Variants in MYO1H observed in about 807,000 individuals in gnomAD.
MYO1H encodes unconventional myosin-Ih.
MYO1H carries 118 observed loss-of-function variants against 149.3 expected under a neutral mutation model. The ratio of observed to expected loss-of-function variants is 0.79; its 90% confidence interval spans 0.68 to 0.92. MYO1H has a LOEUF of 0.92. Among genes scored for constraint, MYO1H ranks in the 40% least tolerant of loss-of-function variants. The pLI is 0.00. For missense variants in MYO1H, 1,212 were observed against 1,280.7 expected (o/e 0.95, Z 0.82); for synonymous variants, 447 against 465.2 (o/e 0.96, Z 0.50).
chr12:109,402,619 T>C (rs1416319504), intron 6 of MYO1H, among the ~76,000 whole-genome samples: 1 of 152,098 alleles, frequency 6.6e-6, no homozygotes, highest in Non-Finnish European at 1.5e-5. Context: ...ATTTTAAAAA[T>C]AGAAATAAGA....
At chr12:109,319,307 A>G in the MYO1H span, among the ~76,000 whole-genome samples, 1 of 152,180 alleles carries the variant, frequency 6.6e-6, no homozygotes, top group African/African-American at 2.4e-5. Context: ...TGTTACACTA[A>G]GGGAAATAAG....
chr12:109,312,790 G>GTTTT, the MYO1H span, among the ~76,000 whole-genome samples: 1 of 145,594 alleles, frequency 6.9e-6, no homozygotes, highest in East Asian at 2.0e-4. Context: ...GTTTTGTTTT[G>GTTTT]TTTTTTTTTT....
At chr12:109,365,318 A>G (rs1293504310) in intron 1 of MYO1H, among the ~76,000 whole-genome samples, 1 of 152,238 alleles carries the variant, frequency 6.6e-6, no homozygotes, top group Non-Finnish European at 1.5e-5. Context: ...AACAGGAACC[A>G]GCAACTGAAC....
intron 22 of MYO1H, among the ~76,000 whole-genome samples, chr12:109,437,337 C>A (rs1871902026): frequency 6.6e-6 from 1 of 152,102 alleles, no homozygotes; most frequent in Admixed American, 6.6e-5. Context: ...TATAATTTAG[C>A]ATGTTTTAAA....
At chr12:109,360,552 C>G (rs1255898893) in intron 1 of MYO1H, among the ~76,000 whole-genome samples, 1 of 152,132 alleles carries the variant, frequency 6.6e-6, no homozygotes, top group African/African-American at 2.4e-5. Context: ...TTGTGAAACA[C>G]ATAGTTTTCT....
upstream of MYO1H, among the ~76,000 whole-genome samples, chr12:109,345,086 T>TA (rs1036006339): frequency 6.6e-6 from 1 of 151,974 alleles, no homozygotes; most frequent in African/African-American, 2.4e-5. Flanking sequence ...AAACCAAAGG[T>TA]AAAAAAATAG....
the MYO1H span, among the ~76,000 whole-genome samples, chr12:109,311,292 G>A: frequency 1.3e-5 from 2 of 152,282 alleles, no homozygotes; most frequent in Middle Eastern, 3.4e-3. Context: ...AAAAAGGAGT[G>A]GGGTGGGAGG....
At chr12:109,419,214 ACACT>A (rs1202382968) in intron 15 of MYO1H, among the ~76,000 whole-genome samples, 12 of 150,878 alleles carry the variant, frequency 8.0e-5, no homozygotes, top group Non-Finnish European at 1.3e-4. Flanking sequence ...ACACACACAC[ACACT>A]CACTCATACT....
intron 1 of MYO1H, among the ~76,000 whole-genome samples, chr12:109,370,943 T>C (rs944743515): frequency 2.0e-5 from 3 of 152,216 alleles, no homozygotes; most frequent in African/African-American, 7.2e-5. Context: ...GTTATTAGGA[T>C]AATGGCAGTT....
At chr12:109,326,566 G>A in the MYO1H span, among the ~76,000 whole-genome samples, 49 of 150,296 alleles carry the variant, frequency 3.3e-4, no homozygotes, top group African/African-American at 1.2e-3. Context: ...CTGTTGTTCA[G>A]TCTGAAGTGT....
At chr12:109,409,433 G>T (rs545713486) in intron 10 of MYO1H, 124 bp from the exon 11 acceptor site, 18 of 836,028 alleles carry the variant, frequency 2.2e-5, no homozygotes, top group Non-Finnish European at 3.3e-5. Flanking sequence ...AAGATTTTCC[G>T]CATTGTTGGA....
chr12:109,330,599 A>T, the MYO1H span, among the ~76,000 whole-genome samples: 2 of 152,144 alleles, frequency 1.3e-5, no homozygotes, highest in Non-Finnish European at 2.9e-5. Context: ...CCCAATTCGT[A>T]TATCAGAGAA....
At chr12:109,317,077 G>C in the MYO1H span, among the ~76,000 whole-genome samples, 25 of 152,284 alleles carry the variant, frequency 1.6e-4, no homozygotes, top group South Asian at 5.2e-3. Flanking sequence ...CATGAGCTGG[G>C]ATGTGTTGAT....
chr12:109,418,375 G>A (rs1317710200), intron 15 of MYO1H, among the ~76,000 whole-genome samples: 2 of 151,464 alleles, frequency 1.3e-5, no homozygotes, highest in South Asian at 2.1e-4. Context: ...TTGAGACAAG[G>A]TCTTGCTTCA....
intron 23 of MYO1H, chr12:109,439,407 C>A: frequency 2.3e-6 from 1 of 441,536 alleles, no homozygotes; most frequent in Non-Finnish European, 4.1e-6. Flanking sequence ...GCCCTGCTTC[C>A]TAACTTTTTA....
chr12:109,413,886 G>A (rs1203520994), intron 14 of MYO1H, among the ~76,000 whole-genome samples: 1 of 152,004 alleles, frequency 6.6e-6, no homozygotes, highest in East Asian at 1.9e-4. Flanking sequence ...CTCCAGCCTG[G>A]GCAACAGAGC....
rs781505845 is a variant in MYO1H at position 109,436,444 on chromosome 12, G to A, written c.2141-44G>A. The A allele has an allele frequency of 6.9e-6, 10 of 1,450,482 alleles. 1 individual carries two copies. The highest frequency in any genetic ancestry group is 1.7e-4 in the Middle Eastern group (1 of 5,780). The allele number at this position is 1,450,482 out of a possible 1,614,324, so 89.9% of individuals were successfully genotyped here. A position where few individuals can be genotyped will look rare whatever the true frequency, so the allele number is the denominator to read the frequency against. Reference sequence around the variant, plus strand: ...CTGGAGATCACAACCACAAAGATGCGCAAATGCAAAGCCATTTCACCAAAA... The same window carrying A: ...CTGGAGATCACAACCACAAAGATGCACAAATGCAAAGCCATTTCACCAAAA... On this transcript the variant is annotated intron_variant, in intron 21 of 31. Transcript: ENST00000310903.
intron 19 of MYO1H, among the ~76,000 whole-genome samples, chr12:109,427,909 A>AAATATATATATATAT (rs1555254298): frequency 6.1e-5 from 1 of 16,422 alleles, no homozygotes; most frequent in Non-Finnish European, 1.0e-4. Flanking sequence ...AAAAAAAAAA[A>AAATATATATATATAT]ATATATATAT....
rs572430432 is a variant in MYO1H at position 109,409,633 on chromosome 12, T to G, written c.1223+9T>G. 2 of 1,598,700 alleles carry G rather than the reference T, an allele frequency of 1.3e-6. No homozygotes were observed. Among genetic ancestry groups the G allele is most frequent in the Admixed American group, 1.7e-5 (1 of 59,964 alleles). ...GTCTTTGACAAGAATGGGTATGTTT[T>G]GTCATTACCTACCTATCTGTCTTTT... On this transcript the variant is annotated intron_variant, in intron 11 of 31. Transcript: ENST00000310903.
Sources: allele counts gnomAD v4.1 joint callset (sites outside exome capture counted in the v4.1 genomes callset), GRCh38; gene constraint gnomAD v4.1.1; transcripts MANE v1.5; gene names NCBI Gene and HGNC (gene_info 2026-07-23, HGNC 2026-07-21).